The following SCHIP1 variants were observed in gnomAD, a reference collection of about 807,000 sequenced individuals.
SCHIP1 encodes schwannomin-interacting protein 1.
A neutral mutation model predicts 29.7 loss-of-function variants in SCHIP1; 8 were observed. The observed-to-expected ratio is 0.27, with a 90% CI of 0.16 to 0.49. SCHIP1 has a LOEUF of 0.49. Among genes scored for constraint, SCHIP1 ranks in the 20% least tolerant of loss-of-function variants. The probability of loss-of-function intolerance (pLI) is 0.99; values close to 1 mark genes in which losing one functional copy is unlikely to be tolerated. For synonymous variants in SCHIP1, 76 were observed against 94.9 expected, an observed-to-expected ratio of 0.80 and a Z score of 1.16; for missense variants, 193 against 294.6, an observed-to-expected ratio of 0.66 and a Z score of 2.52.
At chr3:159,607,740 G>T in the SCHIP1 span, among the ~76,000 whole-genome samples, 10 of 152,304 alleles carry the variant, frequency 6.6e-5, no homozygotes, top group Admixed American at 4.6e-4. Flanking sequence ...AGCCCCCTGT[G>T]AGGTAGCTGG....
At chr3:159,369,378 A>T in the SCHIP1 span, among the ~76,000 whole-genome samples, 15 of 152,264 alleles carry the variant, frequency 9.9e-5, 1 homozygote, top group African/African-American at 3.6e-4. Flanking sequence ...TTATATTGGT[A>T]CTACTTCATT....
the SCHIP1 span, among the ~76,000 whole-genome samples, chr3:159,503,960 G>A: frequency 3.3e-5 from 5 of 152,212 alleles, no homozygotes; most frequent in Admixed American, 2.6e-4. Flanking sequence ...AATGGGAGAT[G>A]AGGAAAGGAA....
chr3:159,488,081 T>C, the SCHIP1 span, among the ~76,000 whole-genome samples: 1 of 152,136 alleles, frequency 6.6e-6, no homozygotes, highest in East Asian at 1.9e-4. Flanking sequence ...GAATGCTGGC[T>C]GAACAGGCAC....
chr3:159,546,236 C>A, the SCHIP1 span, among the ~76,000 whole-genome samples: 8 of 152,030 alleles, frequency 5.3e-5, no homozygotes, highest in Non-Finnish European at 1.0e-4. Context: ...ATTCTACCTC[C>A]AGCAAAATAT....
the SCHIP1 span, among the ~76,000 whole-genome samples, chr3:159,538,934 A>T: frequency 1.3e-5 from 2 of 152,100 alleles, no homozygotes; most frequent in Non-Finnish European, 2.9e-5. Flanking sequence ...AACATGCTAT[A>T]TCCAAACAAA....
chr3:159,764,744 C>A, the SCHIP1 span: 1 of 1,572,624 alleles, frequency 6.4e-7, no homozygotes, highest in Non-Finnish European at 8.6e-7. The surrounding 1 kb of genome is among the most constrained non-coding windows in gnomAD (Gnocchi z 6.1). Flanking sequence ...GCCCGGGAAC[C>A]GGGGGACGTA....
the SCHIP1 span, among the ~76,000 whole-genome samples, chr3:159,453,567 A>G: frequency 2.0e-5 from 3 of 152,112 alleles, no homozygotes; most frequent in African/African-American, 4.8e-5. Flanking sequence ...ATTTTTCTCA[A>G]ATTCAAAGTG....
the SCHIP1 span, among the ~76,000 whole-genome samples, chr3:159,399,146 T>A: frequency 1.3e-3 from 203 of 152,188 alleles, 2 homozygotes; most frequent in African/African-American, 4.7e-3. Flanking sequence ...AATGTTCTCC[T>A]CCCCAAATCT....
chr3:159,685,163 G>GC, the SCHIP1 span, among the ~76,000 whole-genome samples: 1 of 152,092 alleles, frequency 6.6e-6, no homozygotes. Context: ...AAAAATCCCT[G>GC]CCCCCCAAGG....
the SCHIP1 span, among the ~76,000 whole-genome samples, chr3:159,566,385 T>C: frequency 6.6e-6 from 1 of 152,210 alleles, no homozygotes; most frequent in African/African-American, 2.4e-5. Context: ...TTGTTCTAGG[T>C]ACCAGGACAC....
the SCHIP1 span, among the ~76,000 whole-genome samples, chr3:159,600,578 A>G: frequency 6.6e-6 from 1 of 152,222 alleles, no homozygotes; most frequent in Admixed American, 6.5e-5. Flanking sequence ...TAAATTTCTC[A>G]TATCCCCAAT....
the SCHIP1 span, among the ~76,000 whole-genome samples, chr3:159,335,596 T>C: frequency 6.6e-6 from 1 of 152,130 alleles, no homozygotes; most frequent in African/African-American, 2.4e-5. Flanking sequence ...ATGTGGTGAT[T>C]GGTTTTTTAT....
At chr3:159,661,708 G>C in the SCHIP1 span, among the ~76,000 whole-genome samples, 2 of 152,126 alleles carry the variant, frequency 1.3e-5, no homozygotes, top group African/African-American at 4.8e-5. Context: ...CCCTCTTGTA[G>C]CCTTGTCCAA....
At chr3:159,425,001 T>G in the SCHIP1 span, among the ~76,000 whole-genome samples, 1 of 151,952 alleles carries the variant, frequency 6.6e-6, no homozygotes, top group African/African-American at 2.4e-5. Context: ...TGAGAGATTT[T>G]GTCACCACCA....
At chr3:159,586,371 C>T in the SCHIP1 span, among the ~76,000 whole-genome samples, 3 of 152,148 alleles carry the variant, frequency 2.0e-5, no homozygotes, top group Non-Finnish European at 4.4e-5. Flanking sequence ...TTTTCATATG[C>T]AGTCAGGACC....
chr3:159,356,352 A>G, the SCHIP1 span, among the ~76,000 whole-genome samples: 1 of 152,168 alleles, frequency 6.6e-6, no homozygotes, highest in Admixed American at 6.6e-5. Flanking sequence ...GGCCATGCCT[A>G]TCTGTCTTCT....
At chr3:159,298,289 T>G in the SCHIP1 span, among the ~76,000 whole-genome samples, 3 of 152,204 alleles carry the variant, frequency 2.0e-5, no homozygotes, top group South Asian at 6.2e-4. Flanking sequence ...ACCTTACCAC[T>G]TCCCAAACTA....
chr3:159,785,579 G>GTT, the SCHIP1 span, among the ~76,000 whole-genome samples: 41 of 138,948 alleles, frequency 3.0e-4, no homozygotes, highest in Admixed American at 8.6e-4. Context: ...AGTTTTGTTG[G>GTT]TTTTTTTTTT....
chr3:159,400,901 T>C, the SCHIP1 span, among the ~76,000 whole-genome samples: 1 of 152,230 alleles, frequency 6.6e-6, no homozygotes. Flanking sequence ...TCTTCTGTTA[T>C]CCTTGTTTCT....
Sources: gnomAD v4.1 joint callset for allele counts (sites outside exome capture counted in the v4.1 genomes callset) on GRCh38, gnomAD v4.1.1 for gene constraint, Gnocchi (gnomAD v3.1) non-coding constraint, MANE v1.5 for transcripts, NCBI Gene and HGNC (gene_info 2026-07-23, HGNC 2026-07-21) for gene names.